Variants in SAP130 observed in about 807,000 individuals in gnomAD.
SAP130 encodes histone deacetylase complex subunit SAP130.
Under a neutral mutation model 103.2 loss-of-function variants are expected in SAP130, and 16 were observed. The ratio of observed to expected loss-of-function variants is 0.16; its 90% CI spans 0.10 to 0.24. The LOEUF is 0.24. SAP130 is among the 10% of genes least tolerant of loss of function. SAP130 has a pLI of 1.00. For synonymous variants in SAP130, 477 were observed against 497.0 expected (o/e 0.96, Z 0.53); for missense variants, 990 against 1,359.7 (o/e 0.73, Z 4.28).
intron 10 of SAP130, among the ~76,000 whole-genome samples, chr2:127,998,917 G>A (rs1683356620): frequency 6.6e-6 from 1 of 152,224 alleles, no homozygotes; most frequent in African/African-American, 2.4e-5. Flanking sequence ...AGCTGATGAC[G>A]CAGGCAGAGG....
intron 2 of SAP130, among the ~76,000 whole-genome samples, chr2:128,024,676 T>C (rs1432493736): frequency 1.3e-5 from 2 of 148,744 alleles, no homozygotes; most frequent in Admixed American, 1.4e-4. Context: ...GAGATCAGCC[T>C]GGCCAACATG....
chr2:127,969,118 T>C (rs1421264741), intron 15 of SAP130, among the ~76,000 whole-genome samples: 1 of 152,172 alleles, frequency 6.6e-6, no homozygotes, highest in East Asian at 1.9e-4. Flanking sequence ...GGGGCCAATT[T>C]CAAGCTGCCA....
At chr2:128,024,785 A>G (rs1231715789) in intron 2 of SAP130, among the ~76,000 whole-genome samples, 1 of 151,866 alleles carries the variant, frequency 6.6e-6, no homozygotes, top group African/African-American at 2.4e-5. Flanking sequence ...AGGCTGAGGC[A>G]CAAGAATCAC....
chr2:128,012,236 G>A (rs548774152), intron 6 of SAP130, among the ~76,000 whole-genome samples: 13 of 152,178 alleles, frequency 8.5e-5, no homozygotes, highest in African/African-American at 2.4e-4. Context: ...TCAGGAGGCC[G>A]AGGCAGGCAG....
chr2:127,967,515 T>A (rs960524914), intron 15 of SAP130, among the ~76,000 whole-genome samples: 4 of 152,178 alleles, frequency 2.6e-5, no homozygotes, highest in African/African-American at 9.7e-5. Flanking sequence ...TTCTCTGCCT[T>A]AGCCTCCCGA....
intron 15 of SAP130, among the ~76,000 whole-genome samples, chr2:127,957,879 A>G (rs1250489151): frequency 6.6e-6 from 1 of 152,158 alleles, no homozygotes; most frequent in African/African-American, 2.4e-5. Context: ...CTAGAAGTTC[A>G]CCTGACAAAT....
chr2:127,945,693 C>G, intron 18 of SAP130, 134 bp from the exon 19 acceptor site: 1 of 619,680 alleles, frequency 1.6e-6, no homozygotes, highest in South Asian at 1.9e-5. Context: ...GGCTCTGTCA[C>G]CCAGGCTGAA....
chr2:127,950,230 A>G lies in SAP130; in HGVS notation c.2601T>C (p.Asp867=). The G allele has an allele frequency of 6.2e-7, 1 of 1,614,134 alleles. No homozygotes were observed. ...GDMMETNSTD[D]EKSTAKSLLV... is the part of the protein sequence containing the mutation. ...GAAGACTCTTGGCAGTGGACTTCTC[A>G]TCATCAGTGCTGTTTGTCTCCATCA... Residue 867 remains aspartate, a synonymous_variant, in exon 17 of 21, where the codon GAT becomes GAC. Transcript: ENST00000643581.
intron 13 of SAP130, among the ~76,000 whole-genome samples, chr2:127,988,417 A>T (rs1682548557): frequency 7.4e-6 from 1 of 134,486 alleles, no homozygotes; most frequent in South Asian, 2.3e-4. Flanking sequence ...AGTGAGTGAG[A>T]CCTTGTCTTT....
At chr2:127,973,992 G>A (rs956301203) in intron 15 of SAP130, among the ~76,000 whole-genome samples, 1 of 152,108 alleles carries the variant, frequency 6.6e-6, no homozygotes, top group Non-Finnish European at 1.5e-5. Context: ...AGTGAGCTGA[G>A]ATTGCACCAC....
rs151226628 is a variant in SAP130, at chr2:127,974,367, A to T, written c.2063+3618T>A. On this transcript the variant is annotated intron_variant, in intron 15 of 20. Transcript: ENST00000643581. ...CAACTCTCACCTCTGGTTCCAGGCT[A>T]GTCTTCCTTGCTGGTCCTGTGATAT... is the stretch of plus-strand genomic sequence containing the variant. Among the ~76,000 whole-genome samples, 69 of 152,308 alleles carry T rather than the reference A, an allele frequency of 4.5e-4. No homozygotes were observed. In the East Asian group the frequency reaches 0.013, roughly 29 times the overall value.
At chr2:127,971,584 G>A (rs958175101) in intron 15 of SAP130, among the ~76,000 whole-genome samples, 2 of 152,106 alleles carry the variant, frequency 1.3e-5, no homozygotes, top group Non-Finnish European at 2.9e-5. Context: ...ACCGTGCCCC[G>A]CCACCCACTT....
chr2:127,951,588 C>T (rs1391157199), intron 16 of SAP130, among the ~76,000 whole-genome samples: 1 of 152,202 alleles, frequency 6.6e-6, no homozygotes, highest in Admixed American at 6.5e-5. Flanking sequence ...CCTCCCCCAT[C>T]GCTAGGTCTG....
intron 1 of SAP130, chr2:128,027,357 G>A: frequency 5.2e-6 from 6 of 1,149,748 alleles, no homozygotes; most frequent in Non-Finnish European, 5.3e-6. Context: ...CGCGTCAGTG[G>A]AGGCCCAGGA....
At chr2:127,965,930 G>A (rs1054679823) in intron 15 of SAP130, among the ~76,000 whole-genome samples, 3 of 152,136 alleles carry the variant, frequency 2.0e-5, no homozygotes, top group African/African-American at 7.2e-5. Context: ...TAAAAAACGT[G>A]AATTAAAGCC....
chr2:127,947,161 CAA>C (rs1679146605), intron 18 of SAP130, among the ~76,000 whole-genome samples: 1 of 151,778 alleles, frequency 6.6e-6, no homozygotes, highest in South Asian at 2.1e-4. Context: ...CACAAGAAAC[CAA>C]AGAGACAAGG....
At chr2:127,976,452 C>T (rs72841712) in intron 15 of SAP130, among the ~76,000 whole-genome samples, 55,972 of 152,144 alleles carry the variant, frequency 0.37, 10,494 homozygotes, top group Middle Eastern at 0.54. Context: ...TATAGCCCCA[C>T]ATCCTAAAAT....
chr2:128,004,361 CTTTTTTTTTTTTTTTTT>C (rs71935874), intron 7 of SAP130, among the ~76,000 whole-genome samples: 1 of 75,998 alleles, frequency 1.3e-5, no homozygotes, highest in Non-Finnish European at 2.5e-5. Context: ...GCTTTCTTTC[CTTTTTTTTTTTTTTTTT>C]TTTTTTTTTT....
At chr2:128,026,327 A>C (rs747225657) in intron 1 of SAP130, 29 bp from the exon 2 acceptor site, 1 of 1,476,070 alleles carries the variant, frequency 6.8e-7, no homozygotes, top group Non-Finnish European at 9.5e-7. Flanking sequence ...TATGGTTATT[A>C]CTAGATTCTG....
Sources: allele counts gnomAD v4.1 joint callset (sites outside exome capture counted in the v4.1 genomes callset), GRCh38; gene constraint gnomAD v4.1.1; transcripts MANE v1.5; gene names NCBI Gene and HGNC (gene_info 2026-07-23, HGNC 2026-07-21).